SOX9: variants seen among roughly 807,000 people sequenced by gnomAD.
SOX9 encodes SRY-box transcription factor 9, also known as transcription factor SOX-9.
In SOX9, 2 loss-of-function variants were observed where a neutral mutation model predicts 44.8. That is an observed-to-expected ratio of 0.04 (90% CI 0.02 to 0.14). The LOEUF is 0.14. Ranked by LOEUF, SOX9 falls within the 10% of genes least tolerant of loss-of-function variation. The pLI, the probability that SOX9 is intolerant of heterozygous loss-of-function variation, is 1.00. For synonymous variants in SOX9, 381 were observed against 331.8 expected, an observed-to-expected ratio of 1.15 and a Z score of -1.61; for missense variants, 583 against 728.6, an observed-to-expected ratio of 0.80 and a Z score of 2.30.
At position 72,125,506 on chromosome 17, in the gene SOX9, AATT is replaced by A. The variant is rs1373532168; in HGVS notation, c.*1123_*1125del. On this transcript the variant is annotated 3_prime_UTR_variant, in exon 3 of 3. Transcript: ENST00000245479. ...ACCTTCAAGACATTCCACTTGCTAA[AATT>A]ATTTATTTTGTAAGGAGAGGTTTTA... 1.7e-5 allele frequency: 4 copies of A among 229,602 alleles called. No individual in the cohort carries two copies. Among genetic ancestry groups the A allele is most frequent in the Admixed American group, 1.7e-4 (3 of 17,666 alleles). The allele number at this position is 229,602 out of a possible 1,614,324, so 14.2% of individuals were successfully genotyped here. A position where few individuals can be genotyped will look rare whatever the true frequency, so the allele number is the denominator to read the frequency against.
rs1419871278 is a variant in SOX9, at chr17:72,123,488, G to C, written c.686-55G>C. On this transcript the variant is annotated intron_variant, in intron 2 of 2. Coordinates refer to ENST00000245479, the MANE Select transcript of SOX9 (RefSeq NM_000346.4). This position sits in a 1 kb window ranked among gnomAD's most constrained non-coding sequence, Gnocchi z 6.5. ...GTCCCCGGAGGGTGCCTAAGACTAG[G>C]GCGTCTGCACAGCCCTTGTTGATTT... is the stretch of plus-strand genomic sequence containing the variant. 2.5e-6 allele frequency: 4 copies of C among 1,612,262 alleles called. No individual in the cohort carries two copies. The highest frequency in any genetic ancestry group is 3.4e-6 in the Non-Finnish European group (4 of 1,179,326).
chr17:72,123,053 T>C lies in SOX9; in HGVS notation c.685+81T>C. 6.4e-7 allele frequency: 1 copy of C among 1,556,468 alleles called. No homozygotes were observed. Among genetic ancestry groups the C allele is most frequent in the Non-Finnish European group, 8.8e-7 (1 of 1,142,782 alleles). On this transcript the variant is annotated intron_variant, in intron 2 of 2. Coordinates refer to ENST00000245479, the MANE Select transcript of SOX9 (RefSeq NM_000346.4). The surrounding 1 kb of genome is among the most constrained non-coding windows in gnomAD (Gnocchi z 6.5). Reference sequence around the variant, plus strand: ...CCCTGCCCTCCGCCTGGGAGATTCTTCGTGGGGACTTTATGCTTCCCGGGA... The same window carrying C: ...CCCTGCCCTCCGCCTGGGAGATTCTCCGTGGGGACTTTATGCTTCCCGGGA...
Position 72,123,488 on chromosome 17 carries a change from GGCGTCT to G in SOX9, c.686-52_686-47del. ...GTCCCCGGAGGGTGCCTAAGACTAG[GGCGTCT>G]GCACAGCCCTTGTTGATTTTCTCGT... On this transcript the variant is annotated intron_variant, in intron 2 of 2. Transcript: ENST00000245479. The surrounding 1 kb of genome is among the most constrained non-coding windows in gnomAD (Gnocchi z 6.5). 1 of 1,612,380 alleles carries G rather than the reference GGCGTCT, an allele frequency of 6.2e-7. No individual in the cohort carries two copies. Among genetic ancestry groups the G allele is most frequent in the Non-Finnish European group, 8.5e-7 (1 of 1,179,318 alleles).
rs150340278 is a variant in SOX9 at position 72,126,210 on chromosome 17, C to T, written c.*1823C>T. On this transcript the variant is annotated 3_prime_UTR_variant, in exon 3 of 3. Coordinates refer to ENST00000245479, the MANE Select transcript of SOX9 (RefSeq NM_000346.4). ...AAAAGCAGATCTTTTTAAAAAGATA[C>T]TTCTGTAACTTAAGAAACCTGGCAT... 368 of 232,776 alleles carry T rather than the reference C, an allele frequency of 1.6e-3. No individual in the cohort carries two copies. Among genetic ancestry groups the T allele is most frequent in the Non-Finnish European group, 2.3e-3 (272 of 117,584 alleles). 14.4% of individuals were successfully genotyped at this position (232,776 alleles called of 1,614,324 possible).
rs1034384684 is a variant in SOX9, at chr17:72,124,555, A to C, written c.*168A>C. The C allele has an allele frequency of 1.2e-6, 1 of 863,266 alleles. No homozygotes were observed. Among genetic ancestry groups the C allele is most frequent in the Non-Finnish European group, 1.8e-6 (1 of 548,118 alleles). The allele number at this position is 863,266 out of a possible 1,614,324, so 53.5% of individuals were successfully genotyped here. On this transcript the variant is annotated 3_prime_UTR_variant, in exon 3 of 3. Transcript: ENST00000245479. This position sits in a 1 kb window ranked among gnomAD's most constrained non-coding sequence, Gnocchi z 4.6. ...CTTAAAGACATTTAAGCTAAAGGCA[A>C]CTCGTACCCAAATTTCCAAGACACA...
At position 72,123,922 on chromosome 17, in the gene SOX9, CCCGCAGGCGCCCCCGCAG is replaced by C; in HGVS notation, c.1075_1092del (p.Pro359_Ala364del). ...AGCAGCCCCCACAGGCCCCGCCGGCCCCGCAGGCGCCCCCGCAGCCGCAGGCGGCGCCCCCACAGCAGC... is the reference window on the plus strand; with the variant it reads ...AGCAGCCCCCACAGGCCCCGCCGGCCCCGCAGGCGGCGCCCCCACAGCAGC... On this transcript the variant is annotated inframe_deletion, in exon 3 of 3. Coordinates refer to ENST00000245479, the MANE Select transcript of SOX9 (RefSeq NM_000346.4). The surrounding 1 kb of genome is among the most constrained non-coding windows in gnomAD (Gnocchi z 6.5). The C allele has an allele frequency of 7.8e-7, 1 of 1,287,588 alleles. No individual in the cohort carries two copies. The highest frequency in any genetic ancestry group is 9.8e-7 in the Non-Finnish European group (1 of 1,025,580). The allele number at this position is 1,287,588 out of a possible 1,614,324, so 79.8% of individuals were successfully genotyped here.
intron 1 of SOX9, among the ~76,000 whole-genome samples, chr17:72,122,491 A>C: frequency 1.2e-4 from 1 of 8,556 alleles, no homozygotes; most frequent in South Asian, 3.8e-3. Context: ...GAGGGGAGGG[A>C]GGGGGCGGGG....
chr17:72,126,357 T>C lies in SOX9; in HGVS notation c.*1970T>C. The stretch of plus-strand genomic sequence containing the variant: ...TCCGTGAAACTTACCTTTCCCTTTT[T>C]CTTTCTCTTTTTTTTTTTTGTATAT... On this transcript the variant is annotated 3_prime_UTR_variant, in exon 3 of 3. Coordinates refer to ENST00000245479, the MANE Select transcript of SOX9 (RefSeq NM_000346.4). 1 of 199,598 alleles carries C rather than the reference T, an allele frequency of 5.0e-6. No individual in the cohort carries two copies. The highest frequency in any genetic ancestry group is 7.6e-5 in the Admixed American group (1 of 13,082). 12.4% of individuals were successfully genotyped at this position (199,598 alleles called of 1,614,324 possible). A position where few individuals can be genotyped will look rare whatever the true frequency, so the allele number is the denominator to read the frequency against.
Position 72,124,081 on chromosome 17 carries a change from C to G in SOX9, c.1224C>G (p.Ser408Arg). Residue 408 changes from serine to arginine, a missense_variant, in exon 3 of 3, where the codon AGC becomes AGG. Transcript: ENST00000245479. This position sits in a 1 kb window ranked among gnomAD's most constrained non-coding sequence, Gnocchi z 4.6. ...KTEQLSPSHY[S>R]EQQQHSPQQI... ...AGCAGCTGAGCCCCAGCCACTACAG[C>G]GAGCAGCAGCAGCACTCGCCCCAAC... The G allele has an allele frequency of 1.2e-6, 2 of 1,613,566 alleles. No individual in the cohort carries two copies. Among genetic ancestry groups the G allele is most frequent in the Non-Finnish European group, 8.5e-7 (1 of 1,179,844 alleles).
chr17:72,123,074 C>A lies in SOX9; in HGVS notation c.685+102C>A. ...TTCTTCGTGGGGACTTTATGCTTCCCGGGAGGGACACACTGCCCTTTGCGC... is the reference window on the plus strand; with the variant it reads ...TTCTTCGTGGGGACTTTATGCTTCCAGGGAGGGACACACTGCCCTTTGCGC... On this transcript the variant is annotated intron_variant, in intron 2 of 2. Transcript: ENST00000245479. The surrounding 1 kb of genome is among the most constrained non-coding windows in gnomAD (Gnocchi z 6.5). The A allele has an allele frequency of 6.8e-7, 1 of 1,462,442 alleles. No individual in the cohort carries two copies. The highest frequency in any genetic ancestry group is 9.4e-7 in the Non-Finnish European group (1 of 1,067,136). 90.6% of individuals were successfully genotyped at this position (1,462,442 alleles called of 1,614,324 possible). A position where few individuals can be genotyped will look rare whatever the true frequency, so the allele number is the denominator to read the frequency against.
chr17:72,123,806 G>A lies in SOX9; in HGVS notation c.949G>A (p.Gly317Ser), dbSNP rs2143252685. The change falls in exon 3 of 3, where the codon GGC (glycine) becomes AGC (serine). Residue 317 changes from glycine (G) to serine (S), a missense_variant. By Grantham distance (56) the Gly-to-Ser change is moderately conservative. Coordinates refer to ENST00000245479, the MANE Select transcript of SOX9 (RefSeq NM_000346.4). The surrounding 1 kb of genome is among the most constrained non-coding windows in gnomAD (Gnocchi z 6.5). ...PATHGQVTYT[G>S]SYGISSTAAT... ...CACGCACGGCCAGGTCACCTACACGGGCAGCTACGGCATCAGCAGCACCGC... is the reference window on the plus strand; with the variant it reads ...CACGCACGGCCAGGTCACCTACACGAGCAGCTACGGCATCAGCAGCACCGC... 1 of 1,611,954 alleles carries A rather than the reference G, an allele frequency of 6.2e-7. No homozygotes were observed. The highest frequency in any genetic ancestry group is 2.2e-5 in the East Asian group (1 of 44,838).
chr17:72,123,392 C>T lies in SOX9; in HGVS notation c.686-151C>T. The T allele has an allele frequency of 9.4e-7, 1 of 1,064,472 alleles. No homozygotes were observed. The highest frequency in any genetic ancestry group is 1.4e-6 in the Non-Finnish European group (1 of 727,610). The allele number at this position is 1,064,472 out of a possible 1,614,324, so 65.9% of individuals were successfully genotyped here. Reference sequence around the variant, plus strand: ...GTGTACCGGCGGGTTAATCATTGGGCGACTTATCTCCGGTGCAGCGCGCCT... The same window carrying T: ...GTGTACCGGCGGGTTAATCATTGGGTGACTTATCTCCGGTGCAGCGCGCCT... On this transcript the variant is annotated intron_variant, in intron 2 of 2. Coordinates refer to ENST00000245479, the MANE Select transcript of SOX9 (RefSeq NM_000346.4). The surrounding 1 kb of genome is among the most constrained non-coding windows in gnomAD (Gnocchi z 6.5).
Position 72,124,763 on chromosome 17 carries a change from G to T in SOX9, c.*376G>T. The T allele has an allele frequency of 2.6e-6, 1 of 388,310 alleles. No homozygotes were observed. Among genetic ancestry groups the T allele is most frequent in the Non-Finnish European group, 4.7e-6 (1 of 211,560 alleles). The allele number at this position is 388,310 out of a possible 1,614,324, so 24.1% of individuals were successfully genotyped here. ...AAATCTCTCTGCCTGTTTGGACTTT[G>T]TAATTATTTTTTTAGCAGTAATTAA... On this transcript the variant is annotated 3_prime_UTR_variant, in exon 3 of 3. Coordinates refer to ENST00000245479, the MANE Select transcript of SOX9 (RefSeq NM_000346.4). This position sits in a 1 kb window ranked among gnomAD's most constrained non-coding sequence, Gnocchi z 4.6.
rs746038858 is a variant in SOX9, at chr17:72,122,917, C to G, written c.630C>G (p.Asp210Glu). The change falls in exon 2 of 3, where the codon GAC becomes GAG. Residue 210 changes from aspartate to glutamate, a missense_variant. By Grantham distance (45) the Asp-to-Glu change is conservative. Coordinates refer to ENST00000245479, the MANE Select transcript of SOX9 (RefSeq NM_000346.4). The stretch of plus-strand genomic sequence containing the variant: ...CCATCTTCAAGGCGCTGCAGGCCGA[C>G]TCGCCACACTCCTCCTCCGGCATGA... ...PNAIFKALQADSPHSSSGMSE... is the reference protein window; with the variant it reads ...PNAIFKALQAESPHSSSGMSE... 4.3e-6 allele frequency: 7 copies of G among 1,614,028 alleles called. No individual in the cohort carries two copies. The highest frequency in any genetic ancestry group is 5.1e-6 in the Non-Finnish European group (6 of 1,180,014).
rs1194444347 is a variant in SOX9, at chr17:72,124,008, C to A, written c.1151C>A (p.Thr384Lys). Residue 384 changes from threonine to lysine, a missense_variant, in exon 3 of 3, where the codon ACG (threonine) becomes AAG (lysine). Around this residue, in one of 7 missense-constraint regions of SOX9, gnomAD observed 349 missense variants for 387.0 expected, o/e 0.90. Coordinates refer to ENST00000245479, the MANE Select transcript of SOX9 (RefSeq NM_000346.4). This position sits in a 1 kb window ranked among gnomAD's most constrained non-coding sequence, Gnocchi z 4.6. ...CAGCCACAGGCGCACACGCTGACCA[C>A]GCTGAGCAGCGAGCCGGGCCAGTCC... Reference protein sequence around the residue: ...PQQPQAHTLTTLSSEPGQSQR... With the variant: ...PQQPQAHTLTKLSSEPGQSQR... 1 of 1,605,024 alleles carries A rather than the reference C, an allele frequency of 6.2e-7. No homozygotes were observed. Among genetic ancestry groups the A allele is most frequent in the Non-Finnish European group, 8.5e-7 (1 of 1,176,176 alleles).
In SOX9 at chr17:72,122,848, G is replaced by C. The variant is rs1457776748; in HGVS notation, c.561G>C (p.Ala187=). The C allele has an allele frequency of 6.2e-7, 1 of 1,614,152 alleles. No homozygotes were observed. The highest frequency in any genetic ancestry group is 8.5e-7 in the Non-Finnish European group (1 of 1,180,024). The change falls in exon 2 of 3, where the codon GCG becomes GCC. Residue 187 remains alanine (A), a synonymous_variant. Transcript: ENST00000245479. Reference sequence around the variant, plus strand: ...GGAAGTCGGTGAAGAACGGGCAGGCGGAGGCAGAGGAGGCCACGGAGCAGA... The same window carrying C: ...GGAAGTCGGTGAAGAACGGGCAGGCCGAGGCAGAGGAGGCCACGGAGCAGA... ...RRRKSVKNGQ[A]EAEEATEQTH...
chr17:72,123,463 G>A lies in SOX9; in HGVS notation c.686-80G>A, dbSNP rs2143249454. 1 of 1,589,006 alleles carries A rather than the reference G, an allele frequency of 6.3e-7. No homozygotes were observed. The highest frequency in any genetic ancestry group is 8.6e-7 in the Non-Finnish European group (1 of 1,159,094). On this transcript the variant is annotated intron_variant, in intron 2 of 2. Coordinates refer to ENST00000245479, the MANE Select transcript of SOX9 (RefSeq NM_000346.4). The surrounding 1 kb of genome is among the most constrained non-coding windows in gnomAD (Gnocchi z 6.5). ...TATTACACTTTAGCAGCGAGGGAGG[G>A]TCCCCGGAGGGTGCCTAAGACTAGG... is the stretch of plus-strand genomic sequence containing the variant.
At chr17:72,122,099 G>C (rs1293075024) in intron 1 of SOX9, among the ~76,000 whole-genome samples, 3 of 152,188 alleles carry the variant, frequency 2.0e-5, no homozygotes, top group Admixed American at 2.0e-4. Flanking sequence ...GACGGAAGGA[G>C]GGGGCTGCCA....
rs2143249331 is a variant in SOX9, at chr17:72,123,445, C to T, written c.686-98C>T. 1 of 1,554,672 alleles carries T rather than the reference C, an allele frequency of 6.4e-7. No homozygotes were observed. Among genetic ancestry groups the T allele is most frequent in the Non-Finnish European group, 8.9e-7 (1 of 1,129,004 alleles). ...TGCGCGGGTGCGGGCCCTTATTACACTTTAGCAGCGAGGGAGGGTCCCCGG... is the reference window on the plus strand; with the variant it reads ...TGCGCGGGTGCGGGCCCTTATTACATTTTAGCAGCGAGGGAGGGTCCCCGG... On this transcript the variant is annotated intron_variant, in intron 2 of 2. Coordinates refer to ENST00000245479, the MANE Select transcript of SOX9 (RefSeq NM_000346.4). This position sits in a 1 kb window ranked among gnomAD's most constrained non-coding sequence, Gnocchi z 6.5.
Sources: allele counts gnomAD v4.1 joint callset (sites outside exome capture counted in the v4.1 genomes callset), GRCh38; gene constraint gnomAD v4.1.1; regional missense constraint gnomAD v4.1.1; non-coding constraint Gnocchi (gnomAD v3.1); transcripts MANE v1.5; gene names NCBI Gene and HGNC (gene_info 2026-07-23, HGNC 2026-07-21).